Variants in ETNK1 observed in about 807,000 individuals in gnomAD.
ETNK1 encodes the protein ethanolamine kinase 1.
Under a neutral mutation model 45.1 loss-of-function variants are expected in ETNK1, and 8 were observed. That is an observed-to-expected ratio of 0.18 (90% confidence interval 0.10 to 0.32). ETNK1 has a LOEUF of 0.32. ETNK1 is among the 10% of genes least tolerant of loss of function. The pLI is 1.00. For synonymous variants in ETNK1, 152 were observed against 151.9 expected (o/e 1.00, Z -0.01); for missense variants, 302 against 430.6 (o/e 0.70, Z 2.64).
intron 6 of ETNK1, among the ~76,000 whole-genome samples, chr12:22,675,602 C>G (rs1954152693): frequency 1.3e-5 from 2 of 152,178 alleles, no homozygotes; most frequent in African/African-American, 4.8e-5. Context: ...AAGCAGTTCT[C>G]CAGCCTCAGC....
At chr12:22,654,177 A>G (rs1437191636) in intron 2 of ETNK1, among the ~76,000 whole-genome samples, 2 of 152,248 alleles carry the variant, frequency 1.3e-5, no homozygotes, top group Non-Finnish European at 2.9e-5. Context: ...TGTAAGGAAC[A>G]TAACTATGAG....
intron 1 of ETNK1, among the ~76,000 whole-genome samples, chr12:22,635,921 A>G (rs1184275898): frequency 6.6e-6 from 1 of 152,178 alleles, no homozygotes; most frequent in Non-Finnish European, 1.5e-5. Context: ...TTGGCCAGGC[A>G]CAGCCCAGCA....
In ETNK1 at chr12:22,671,337, C is replaced by A; in HGVS notation, c.766C>A (p.His256Asn). 6.2e-7 allele frequency: 1 copy of A among 1,601,394 alleles called. No homozygotes were observed. The highest frequency in any genetic ancestry group is 1.1e-5 in the South Asian group (1 of 90,752). Residue 256 changes from histidine (H) to asparagine (N), a missense_variant, in exon 5 of 8, where the codon CAT becomes AAT. Around this residue, in one of 3 missense-constraint regions of ETNK1, gnomAD observed 94 missense variants for 152.9 expected, o/e 0.61. Coordinates refer to ENST00000266517, the MANE Select transcript of ETNK1 (RefSeq NM_018638.5). ...YNYLAYDIGN[H>N]FNEFAGVSDV... Reference sequence around the variant, plus strand: ...CTACCTGGCATATGATATTGGAAATCATTTCAATGAATTTGCAGGTATAAC... The same window carrying A: ...CTACCTGGCATATGATATTGGAAATAATTTCAATGAATTTGCAGGTATAAC...
intron 4 of ETNK1, among the ~76,000 whole-genome samples, chr12:22,662,471 T>G (rs1954015085): frequency 6.6e-6 from 1 of 150,572 alleles, no homozygotes; most frequent in Admixed American, 6.7e-5. Flanking sequence ...CATGGCTCAC[T>G]GCAGCCTTCA....
intron 2 of ETNK1, among the ~76,000 whole-genome samples, chr12:22,654,069 A>AG (rs1953911218): frequency 6.6e-6 from 1 of 152,242 alleles, no homozygotes; most frequent in African/African-American, 2.4e-5. Context: ...GTCATGGGGT[A>AG]GAGCTCTCAT....
At chr12:22,665,023 T>C (rs1954040813) in intron 4 of ETNK1, among the ~76,000 whole-genome samples, 1 of 152,150 alleles carries the variant, frequency 6.6e-6, no homozygotes, top group East Asian at 1.9e-4. Context: ...CATAGTAACT[T>C]AGATTTTGTA....
Position 22,659,016 on chromosome 12 carries a change from T to C in ETNK1, c.419T>C (p.Leu140Pro), listed in dbSNP as rs1438097516. 1 of 1,612,954 alleles carries C rather than the reference T, an allele frequency of 6.2e-7. No individual in the cohort carries two copies. The highest frequency in any genetic ancestry group is 8.5e-7 in the Non-Finnish European group (1 of 1,179,764). The change falls in exon 3 of 8, where the codon CTA becomes CCA. Residue 140 changes from leucine (L) to proline (P), a missense_variant and splice_region_variant. Leu to Pro is a moderately conservative substitution (Grantham distance 98). Around this residue, in one of 3 missense-constraint regions of ETNK1, gnomAD observed 205 missense variants for 259.9 expected, o/e 0.79. Coordinates refer to ENST00000266517, the MANE Select transcript of ETNK1 (RefSeq NM_018638.5). ...TTATGCGGTTTTGTTTTAAACAGGCTAATAGCTCGTCAGCTTGCTAAAATC... is the reference window on the plus strand; with the variant it reads ...TTATGCGGTTTTGTTTTAAACAGGCCAATAGCTCGTCAGCTTGCTAAAATC... Reference protein sequence around the residue: ...KHVCNPAIFRLIARQLAKIHA... With the variant: ...KHVCNPAIFRPIARQLAKIHA...
chr12:22,631,772 A>G (rs891294043), intron 1 of ETNK1, among the ~76,000 whole-genome samples: 2 of 152,182 alleles, frequency 1.3e-5, no homozygotes, highest in African/African-American at 4.8e-5. Context: ...GAAGGAGTGG[A>G]TGACAAAGAT....
intron 2 of ETNK1, among the ~76,000 whole-genome samples, chr12:22,647,041 G>A (rs1953816382): frequency 6.6e-6 from 1 of 151,782 alleles, no homozygotes; most frequent in Admixed American, 6.6e-5. Flanking sequence ...AATGGTATAG[G>A]TAAAGACAAT....
At chr12:22,660,368 C>T (rs541116686) in intron 3 of ETNK1, among the ~76,000 whole-genome samples, 1 of 152,122 alleles carries the variant, frequency 6.6e-6, no homozygotes, top group East Asian at 1.9e-4. Context: ...AATTTTGTTT[C>T]CTTGATTTTT....
chr12:22,685,855 C>T lies in ETNK1; in HGVS notation c.*901C>T, dbSNP rs1413094623. The T allele has an allele frequency of 6.6e-6, 1 of 151,762 alleles. No individual in the cohort carries two copies. Among genetic ancestry groups the T allele is most frequent in the Non-Finnish European group, 1.5e-5 (1 of 67,774 alleles). 9.4% of individuals were successfully genotyped at this position (151,762 alleles called of 1,614,324 possible). On this transcript the variant is annotated 3_prime_UTR_variant, in exon 8 of 8. Transcript: ENST00000266517. ...ATTGCTAATTTTTGAAACAAATACA[C>T]AAAATTTATCATATGTAGAAATAAG...
At position 22,672,505 on chromosome 12, in the gene ETNK1, T is replaced by A. The variant is rs184682573; in HGVS notation, c.785-995T>A. 4.7e-3 allele frequency among the ~76,000 whole-genome samples: 721 copies of A among 152,308 alleles called. 5 individuals are homozygous for A. Among genetic ancestry groups the A allele is most frequent in the Non-Finnish European group, 6.4e-3 (435 of 68,024 alleles). ...TATACATATAAGCTGTACATATTTTTACGTATCTCATCTATGGAAGGGGAA... is the reference window on the plus strand; with the variant it reads ...TATACATATAAGCTGTACATATTTTAACGTATCTCATCTATGGAAGGGGAA... On this transcript the variant is annotated intron_variant, in intron 5 of 7. Coordinates refer to ENST00000266517, the MANE Select transcript of ETNK1 (RefSeq NM_018638.5).
intron 2 of ETNK1, among the ~76,000 whole-genome samples, chr12:22,655,829 CA>C (rs1953934073): frequency 6.6e-6 from 1 of 151,952 alleles, no homozygotes; most frequent in African/African-American, 2.4e-5. Flanking sequence ...GTAAGGAACC[CA>C]AAAACCAGAT....
At chr12:22,637,814 A>G (rs1015476060) in intron 1 of ETNK1, among the ~76,000 whole-genome samples, 2 of 152,196 alleles carry the variant, frequency 1.3e-5, no homozygotes, top group African/African-American at 2.4e-5. Flanking sequence ...AAAATAAAAA[A>G]TCTTATATAC....
chr12:22,630,969 T>C (rs1158030529), intron 1 of ETNK1, among the ~76,000 whole-genome samples: 2 of 152,110 alleles, frequency 1.3e-5, no homozygotes, highest in Non-Finnish European at 2.9e-5. Context: ...GGCAACAATG[T>C]AGAGAAGGGT....
rs1243118181 is a variant in ETNK1 at position 22,661,208 on chromosome 12, A to G, written c.700+3A>G. The G allele has an allele frequency of 6.2e-7, 1 of 1,601,178 alleles. No homozygotes were observed. Among genetic ancestry groups the G allele is most frequent in the Non-Finnish European group, 8.5e-7 (1 of 1,176,918 alleles). ...TATAATCTACAATGAGAAACAAGGT[A>G]GGTATTTGACCTTAGCAGTAAGTAA... On this transcript the variant is annotated splice_donor_region_variant and intron_variant, in intron 4 of 7. Transcript: ENST00000266517.
intron 1 of ETNK1, among the ~76,000 whole-genome samples, chr12:22,634,407 A>G (rs1439217071): frequency 1.3e-5 from 2 of 152,030 alleles, no homozygotes; most frequent in Non-Finnish European, 2.9e-5. Context: ...TTCCTTTCTT[A>G]TAGTGTCCTT....
At chr12:22,658,368 T>C (rs184315242) in intron 2 of ETNK1, among the ~76,000 whole-genome samples, 1 of 152,320 alleles carries the variant, frequency 6.6e-6, no homozygotes, top group Non-Finnish European at 1.5e-5. Flanking sequence ...CTTCAGTGTA[T>C]GTTCAGTGGT....
At chr12:22,645,680 G>A in intron 2 of ETNK1, among the ~76,000 whole-genome samples, 1 of 151,584 alleles carries the variant, frequency 6.6e-6, no homozygotes, top group East Asian at 1.9e-4. Context: ...AGTAATTGGT[G>A]TATCTATCAT....
Sources: allele counts gnomAD v4.1 joint callset (sites outside exome capture counted in the v4.1 genomes callset), GRCh38; gene constraint gnomAD v4.1.1; regional missense constraint gnomAD v4.1.1; transcripts MANE v1.5; gene names NCBI Gene and HGNC (gene_info 2026-07-23, HGNC 2026-07-21).